Variants in CUX1 observed in about 807,000 individuals in gnomAD.
CUX1 encodes cut like homeobox 1, also known as protein CASP.
A neutral mutation model predicts 158.8 loss-of-function variants in CUX1; 31 were observed. The ratio of observed to expected loss-of-function variants is 0.20; its 90% confidence interval spans 0.15 to 0.26. CUX1 has a LOEUF of 0.26. Among genes scored for constraint, CUX1 ranks in the 10% least tolerant of loss-of-function variants. The pLI is 1.00. For missense variants in CUX1, 1,589 were observed against 2,014.6 expected, an observed-to-expected ratio of 0.79 and a Z score of 4.04; for synonymous variants, 879 against 862.1, an observed-to-expected ratio of 1.02 and a Z score of -0.34.
intron 22 of CUX1, among the ~76,000 whole-genome samples, chr7:102,236,474 C>T (rs1180712795): frequency 1.3e-5 from 2 of 152,220 alleles, no homozygotes; most frequent in African/African-American, 2.4e-5. Context: ...TAAAGTCTCG[C>T]TATATTGCCC....
chr7:101,863,665 A>G (rs1797686057), intron 1 of CUX1, among the ~76,000 whole-genome samples: 1 of 151,962 alleles, frequency 6.6e-6, no homozygotes, highest in Non-Finnish European at 1.5e-5. Context: ...CTCTTTTTAT[A>G]TTGCAAAACT....
At position 102,233,209 on chromosome 7, in the gene CUX1, G is replaced by T. The variant is rs1452751210; in HGVS notation, c.3434-843G>T. On this transcript the variant is annotated intron_variant, in intron 21 of 23. Coordinates refer to ENST00000292535, the MANE Select transcript of CUX1 (RefSeq NM_181552.4). ...TTTTTTTTTTTTTTTTTGAGACAAC[G>T]GTCTCTCTCTCTGTTGCCCAGGCTG... 2.1e-5 allele frequency among the ~76,000 whole-genome samples: 3 copies of T among 144,512 alleles called. 1 individual carries two copies. 94.8% of individuals were successfully genotyped at this position (144,512 alleles called of 152,430 possible). A position where few individuals can be genotyped will look rare whatever the true frequency, so the allele number is the denominator to read the frequency against.
intron 2 of CUX1, among the ~76,000 whole-genome samples, chr7:101,950,616 T>C (rs1383508572): frequency 6.6e-6 from 1 of 152,244 alleles, no homozygotes; most frequent in East Asian, 1.9e-4. Flanking sequence ...CATTTGTTTA[T>C]CTATTGTCTG....
At chr7:102,077,876 A>AT (rs5886215) in intron 4 of CUX1, among the ~76,000 whole-genome samples, 1,458 of 144,090 alleles carry the variant, frequency 0.01, 20 homozygotes, top group African/African-American at 0.03. Context: ...GATACTTTTC[A>AT]TTTTTTTTTT....
intron 2 of CUX1, among the ~76,000 whole-genome samples, chr7:101,926,457 G>A (rs1805606169): frequency 6.6e-6 from 1 of 152,150 alleles, no homozygotes; most frequent in African/African-American, 2.4e-5. Flanking sequence ...CGCATGGTCT[G>A]GAGGGCACCA....
chr7:102,249,228 G>C lies in CUX1; in HGVS notation c.*186G>C. 9.1e-7 allele frequency: 1 copy of C among 1,096,916 alleles called. No homozygotes were observed. Among genetic ancestry groups the C allele is most frequent in the Non-Finnish European group, 1.1e-6 (1 of 900,762 alleles). The allele number at this position is 1,096,916 out of a possible 1,614,324, so 67.9% of individuals were successfully genotyped here. On this transcript the variant is annotated 3_prime_UTR_variant, in exon 24 of 24. Coordinates refer to ENST00000292535, the MANE Select transcript of CUX1 (RefSeq NM_181552.4). ...GCGGCCTGCACCGACCCGAGGCCCA[G>C]ATCCAAGGCCGCGGCCCAGACCCAC...
rs60973137 is a variant in CUX1, at chr7:102,176,558, C to CTTTT, written c.829-1887_829-1884dup. Among the ~76,000 whole-genome samples the CTTTT allele has an allele frequency of 1.4e-4, 12 of 86,730 alleles. 1 individual carries two copies. The highest frequency in any genetic ancestry group is 2.6e-4 in the African/African-American group (5 of 19,242). The allele number at this position is 86,730 out of a possible 152,430, so 56.9% of individuals were successfully genotyped here. A position where few individuals can be genotyped will look rare whatever the true frequency, so the allele number is the denominator to read the frequency against. ...CAGAATCTTTCAGGAGCCAGGATTC[C>CTTTT]TTTTTTTTTTTTTTTTTTTTTTTTT... On this transcript the variant is annotated intron_variant, in intron 10 of 23. Coordinates refer to ENST00000292535, the MANE Select transcript of CUX1 (RefSeq NM_181552.4).
intron 2 of CUX1, among the ~76,000 whole-genome samples, chr7:102,005,594 C>T (rs1293618172): frequency 6.6e-6 from 1 of 152,172 alleles, no homozygotes. Context: ...CCTCAGCCTC[C>T]CACAGGGCTG....
At chr7:102,069,866 G>A (rs1167417896) in intron 3 of CUX1, among the ~76,000 whole-genome samples, 1 of 152,166 alleles carries the variant, frequency 6.6e-6, no homozygotes, top group Non-Finnish European at 1.5e-5. Flanking sequence ...CTGCTCTAAG[G>A]TCACAACTTT....
intron 8 of CUX1, among the ~76,000 whole-genome samples, chr7:102,157,770 G>T (rs1453504848): frequency 8.5e-5 from 13 of 152,108 alleles, no homozygotes; most frequent in Non-Finnish European, 1.5e-5. Flanking sequence ...ACAGAGCTCT[G>T]TCTCAAAACA....
chr7:102,183,370 C>T (rs574320829), intron 11 of CUX1, among the ~76,000 whole-genome samples: 5 of 151,888 alleles, frequency 3.3e-5, no homozygotes, highest in Non-Finnish European at 5.9e-5. Context: ...TGCCCGTTGT[C>T]CCAGCTACCT....
chr7:101,884,645 T>C (rs1448536598), intron 1 of CUX1, among the ~76,000 whole-genome samples: 1 of 152,182 alleles, frequency 6.6e-6, no homozygotes. Context: ...ACATAATGAT[T>C]GTCAGTTTCA....
At chr7:102,280,704 G>A (rs1046145610) in intron 19 of CUX1, 26 of 1,231,688 alleles carry the variant, frequency 2.1e-5, no homozygotes, top group African/African-American at 8.9e-5. Context: ...CAAGAACAGC[G>A]GGCAGGGTGT....
chr7:102,144,568 G>T (rs879980103), intron 8 of CUX1, among the ~76,000 whole-genome samples: 2 of 151,810 alleles, frequency 1.3e-5, no homozygotes, highest in African/African-American at 4.8e-5. Flanking sequence ...CAACTCAGGA[G>T]GCTGAGGTGG....
intron 3 of CUX1, among the ~76,000 whole-genome samples, chr7:102,048,120 G>T (rs1355754958): frequency 6.6e-6 from 1 of 152,138 alleles, no homozygotes; most frequent in Non-Finnish European, 1.5e-5. Flanking sequence ...TGTGCTGGGG[G>T]CATCATCATC....
intron 8 of CUX1, among the ~76,000 whole-genome samples, chr7:102,149,715 C>T (rs972445249): frequency 5.3e-5 from 8 of 152,276 alleles, no homozygotes; most frequent in Non-Finnish European, 7.4e-5. Flanking sequence ...TAAGTTCAGG[C>T]GTTTGTGCTC....
chr7:102,098,965 C>A (rs559364818), intron 5 of CUX1, among the ~76,000 whole-genome samples: 1 of 152,054 alleles, frequency 6.6e-6, no homozygotes, highest in East Asian at 1.9e-4. Context: ...AGCCAATTGG[C>A]AAAGACTTTC....
At chr7:101,960,115 A>C (rs545252259) in intron 2 of CUX1, 1 of 152,108 alleles carries the variant, frequency 6.6e-6, no homozygotes, top group Non-Finnish European at 1.5e-5. Context: ...CCAGTGACCA[A>C]CTGTGTTTGC....
chr7:102,265,620 C>T (rs564817928), intron 14 of CUX1, among the ~76,000 whole-genome samples: 3 of 151,974 alleles, frequency 2.0e-5, no homozygotes, highest in Admixed American at 6.5e-5. Flanking sequence ...TTTTTTGTAG[C>T]GACAGTCTGG....
Sources: gnomAD v4.1 joint callset for allele counts (sites outside exome capture counted in the v4.1 genomes callset) on GRCh38, gnomAD v4.1.1 for gene constraint, MANE v1.5 for transcripts, NCBI Gene and HGNC (gene_info 2026-07-23, HGNC 2026-07-21) for gene names.